RIMS2: variants seen among roughly 807,000 people sequenced by gnomAD.
The protein encoded by RIMS2 is regulating synaptic membrane exocytosis protein 2.
Under a neutral mutation model 174.4 loss-of-function variants are expected in RIMS2, and 59 were observed. The observed-to-expected ratio is 0.34, with a 90% CI of 0.27 to 0.42. The LOEUF is 0.42. RIMS2 is among the 10% of genes least tolerant of loss of function. The pLI is 1.00. For synonymous variants in RIMS2, 606 were observed against 572.5 expected (o/e 1.06, Z -0.84); for missense variants, 1,620 against 1,666.3 (o/e 0.97, Z 0.48).
intron 19 of RIMS2, among the ~76,000 whole-genome samples, chr8:104,137,235 G>A (rs777512767): frequency 1.3e-5 from 2 of 152,072 alleles, no homozygotes; most frequent in Non-Finnish European, 2.9e-5. Context: ...TAATAAGTTT[G>A]TTTATATTTT....
At chr8:103,668,600 G>A (rs1233535806) in intron 1 of RIMS2, among the ~76,000 whole-genome samples, 2 of 152,124 alleles carry the variant, frequency 1.3e-5, no homozygotes, top group Non-Finnish European at 2.9e-5. Context: ...ATGCATGTGT[G>A]TATTCTATTT....
intron 3 of RIMS2, among the ~76,000 whole-genome samples, chr8:103,769,603 G>A (rs1352994893): frequency 2.0e-5 from 3 of 152,182 alleles, no homozygotes; most frequent in Admixed American, 2.0e-4. Context: ...TGGGATTACA[G>A]GCGTGAGCCA....
At chr8:103,800,554 G>C (rs1428585503) in intron 3 of RIMS2, among the ~76,000 whole-genome samples, 1 of 152,096 alleles carries the variant, frequency 6.6e-6, no homozygotes, top group South Asian at 2.1e-4. Context: ...ATGAAATTTT[G>C]TCATTTGCTT....
chr8:103,747,603 T>A (rs2097838988), intron 2 of RIMS2, among the ~76,000 whole-genome samples: 1 of 152,026 alleles, frequency 6.6e-6, no homozygotes, highest in Admixed American at 6.6e-5. Context: ...AAGGTAATTG[T>A]GGTGGAGGTG....
chr8:103,876,575 G>A (rs1054529105), intron 3 of RIMS2, among the ~76,000 whole-genome samples: 1 of 151,024 alleles, frequency 6.6e-6, no homozygotes, highest in Non-Finnish European at 1.5e-5. Flanking sequence ...AACCCAACTT[G>A]TAGCCTTTTA....
chr8:103,953,847 T>A (rs1048956778), intron 14 of RIMS2, among the ~76,000 whole-genome samples: 8 of 151,970 alleles, frequency 5.3e-5, no homozygotes, highest in Non-Finnish European at 1.2e-4. Flanking sequence ...TGTGCTGTAT[T>A]CAGGAGACCC....
intron 3 of RIMS2, among the ~76,000 whole-genome samples, chr8:103,825,649 T>C (rs1255606489): frequency 3.9e-5 from 6 of 152,092 alleles, no homozygotes; most frequent in East Asian, 1.9e-4. Flanking sequence ...TTCCTGTTCA[T>C]TGCTGAATAA....
At chr8:104,136,790 C>T (rs977392817) in intron 19 of RIMS2, among the ~76,000 whole-genome samples, 1 of 151,730 alleles carries the variant, frequency 6.6e-6, no homozygotes, top group African/African-American at 2.4e-5. Context: ...CACACTGGAG[C>T]CTTTTGGAGG....
intron 1 of RIMS2, among the ~76,000 whole-genome samples, chr8:103,695,772 A>G (rs2097093876): frequency 6.6e-6 from 1 of 151,246 alleles, no homozygotes. Flanking sequence ...TATAGACATC[A>G]CTCCAAAGCT....
chr8:104,248,084 T>G (rs2099345824), intron 20 of RIMS2, among the ~76,000 whole-genome samples: 1 of 152,112 alleles, frequency 6.6e-6, no homozygotes, highest in Admixed American at 6.5e-5. Flanking sequence ...GGAAATTGTG[T>G]CAAATGATCA....
chr8:103,783,539 C>G (rs60997648), intron 3 of RIMS2, among the ~76,000 whole-genome samples: 7,314 of 151,078 alleles, frequency 0.048, 258 homozygotes, highest in African/African-American at 0.11. Context: ...TTTGTTCTTG[C>G]GATAGTTTAC....
rs756231924 is a variant in RIMS2, at chr8:103,885,355, AAGAG to A, written c.759_762del (p.Glu254AsnfsTer37). 6.2e-7 allele frequency: 1 copy of A among 1,611,806 alleles called. No homozygotes were observed. The highest frequency in any genetic ancestry group is 8.5e-7 in the Non-Finnish European group (1 of 1,178,582). The stretch of plus-strand genomic sequence containing the variant: ...ATAGAAGATACGACCAAAGGGAAGA[AAGAG>A]AGGAATATTCACAGTATGCTACTTC... On this transcript the variant is annotated frameshift_variant, in exon 4 of 24. Transcript: ENST00000504942. LOFTEE classifies it high-confidence loss of function.
At chr8:103,751,608 G>A (rs1054103379) in intron 2 of RIMS2, among the ~76,000 whole-genome samples, 1 of 151,294 alleles carries the variant, frequency 6.6e-6, no homozygotes, top group Non-Finnish European at 1.5e-5. Flanking sequence ...TCCAGCACCT[G>A]TTGTTTCCTG....
intron 19 of RIMS2, among the ~76,000 whole-genome samples, chr8:104,066,496 T>C (rs1391670915): frequency 1.3e-5 from 2 of 152,152 alleles, no homozygotes; most frequent in Non-Finnish European, 2.9e-5. Flanking sequence ...GCTAATATTC[T>C]TTTAGGACCC....
At chr8:104,077,674 G>C (rs1485291516) in intron 19 of RIMS2, among the ~76,000 whole-genome samples, 1 of 138,362 alleles carries the variant, frequency 7.2e-6, no homozygotes, top group African/African-American at 2.6e-5. Context: ...ATACCCTAAA[G>C]CTCTGAACTC....
intron 19 of RIMS2, among the ~76,000 whole-genome samples, chr8:104,023,723 T>C (rs565363209): frequency 6.6e-6 from 1 of 152,278 alleles, no homozygotes; most frequent in South Asian, 2.1e-4. Flanking sequence ...ACTGTAGCTA[T>C]AAATCTGGGA....
At chr8:104,163,298 T>C (rs1453888954) in intron 19 of RIMS2, among the ~76,000 whole-genome samples, 2 of 152,202 alleles carry the variant, frequency 1.3e-5, no homozygotes, top group Non-Finnish European at 2.9e-5. Flanking sequence ...TAACAGTATA[T>C]TATTATTCAG....
intron 19 of RIMS2, among the ~76,000 whole-genome samples, chr8:104,244,251 A>G (rs1305791672): frequency 2.0e-5 from 3 of 152,196 alleles, no homozygotes; most frequent in African/African-American, 7.2e-5. Context: ...CCGTGAACAA[A>G]AATTAAAAAT....
intron 3 of RIMS2, among the ~76,000 whole-genome samples, 171 bp from the exon 7 acceptor site, chr8:103,885,127 A>G (rs565414312): frequency 6.6e-6 from 1 of 152,042 alleles, no homozygotes; most frequent in South Asian, 2.1e-4. Flanking sequence ...TACTTATTTG[A>G]ACTGAATATA....
Sources: gnomAD v4.1 joint callset for allele counts (sites outside exome capture counted in the v4.1 genomes callset) on GRCh38, gnomAD v4.1.1 for gene constraint, MANE v1.5 for transcripts, NCBI Gene and HGNC (gene_info 2026-07-23, HGNC 2026-07-21) for gene names.